The following BACH2 variants were observed in gnomAD, a reference collection of about 807,000 sequenced individuals.
BACH2 encodes BACH transcriptional regulator 2.
A neutral mutation model predicts 61.8 loss-of-function variants in BACH2; 5 were observed. That is an observed-to-expected ratio of 0.08 (90% CI 0.04 to 0.17). The LOEUF (loss-of-function observed/expected upper bound fraction) is 0.17. BACH2 is among the 10% of genes least tolerant of loss of function. The pLI, the probability that BACH2 is intolerant of heterozygous loss-of-function variation, is 1.00. For synonymous variants in BACH2, 446 were observed against 440.1 expected (o/e 1.01, Z -0.17); for missense variants, 824 against 1,091.1 (o/e 0.76, Z 3.45).
chr6:90,094,455 T>C (rs80277095), intron 4 of BACH2, among the ~76,000 whole-genome samples: 5,503 of 152,264 alleles, frequency 0.036, 290 homozygotes, highest in African/African-American at 0.12. Context: ...AATGATCTGA[T>C]TTCCAGTGTT....
intron 4 of BACH2, among the ~76,000 whole-genome samples, chr6:90,106,701 G>A (rs1782934493): frequency 6.6e-6 from 1 of 152,192 alleles, no homozygotes; most frequent in African/African-American, 2.4e-5. Context: ...TCAAAGTCTT[G>A]ACCACCAAGT....
intron 4 of BACH2, among the ~76,000 whole-genome samples, chr6:90,098,802 G>A (rs533340570): frequency 1.4e-4 from 21 of 152,274 alleles, no homozygotes; most frequent in Non-Finnish European, 2.4e-4. Flanking sequence ...GATGAGAAAC[G>A]ACTTGTTTCA....
chr6:89,954,292 G>GT (rs1268440823), intron 6 of BACH2, among the ~76,000 whole-genome samples: 2 of 135,090 alleles, frequency 1.5e-5, no homozygotes, highest in Non-Finnish European at 3.3e-5. Flanking sequence ...TGTTCACACA[G>GT]TTTTTCTTTT....
chr6:90,126,315 G>A (rs1008906260), intron 4 of BACH2, among the ~76,000 whole-genome samples: 1 of 152,154 alleles, frequency 6.6e-6, no homozygotes. Context: ...ATAGGGACTC[G>A]GGAACACATC....
At chr6:90,103,847 GGACT>G (rs956212221) in intron 4 of BACH2, among the ~76,000 whole-genome samples, 88 of 152,228 alleles carry the variant, frequency 5.8e-4, no homozygotes, top group African/African-American at 2.1e-3. Context: ...ACTGGAAAAA[GGACT>G]GACTGGATAT....
At chr6:90,259,545 G>A (rs1241951906) in intron 2 of BACH2, among the ~76,000 whole-genome samples, 2 of 152,144 alleles carry the variant, frequency 1.3e-5, no homozygotes, top group African/African-American at 4.8e-5. Flanking sequence ...TTCTTGTGAT[G>A]TCTTTGGCTG....
At chr6:90,016,807 GT>G (rs959653011) in intron 5 of BACH2, among the ~76,000 whole-genome samples, 71 of 143,940 alleles carry the variant, frequency 4.9e-4, no homozygotes, top group Non-Finnish European at 5.7e-4. Flanking sequence ...GTTGACAGGT[GT>G]TTTTTTTTTT....
intron 6 of BACH2, among the ~76,000 whole-genome samples, chr6:89,953,423 T>C (rs1408379738): frequency 6.6e-6 from 1 of 152,184 alleles, no homozygotes; most frequent in African/African-American, 2.4e-5. Context: ...TCAAGTAAGA[T>C]TCCACATTAA....
chr6:90,155,501 G>A (rs1408222218), intron 4 of BACH2, among the ~76,000 whole-genome samples: 1 of 152,148 alleles, frequency 6.6e-6, no homozygotes, highest in Admixed American at 6.6e-5. Flanking sequence ...ATCAGGTTTC[G>A]CCTTTAGCTG....
chr6:90,127,231 G>A (rs953854000), intron 4 of BACH2, among the ~76,000 whole-genome samples: 14 of 152,136 alleles, frequency 9.2e-5, no homozygotes, highest in Admixed American at 3.3e-4. Context: ...TGTGAAATGC[G>A]TCTGAGATTG....
At chr6:90,168,180 G>C (rs1182788273) in intron 4 of BACH2, among the ~76,000 whole-genome samples, 1 of 152,098 alleles carries the variant, frequency 6.6e-6, no homozygotes, top group African/African-American at 2.4e-5. Flanking sequence ...GCAACATAGT[G>C]AGACCCCATC....
chr6:89,945,131 A>G (rs912018570), intron 7 of BACH2, among the ~76,000 whole-genome samples: 1 of 152,332 alleles, frequency 6.6e-6, no homozygotes, highest in Non-Finnish European at 1.5e-5. Context: ...AAAAGGTTAA[A>G]TACAAAGTTA....
At chr6:90,258,697 C>T (rs1771062452) in intron 2 of BACH2, among the ~76,000 whole-genome samples, 2 of 152,110 alleles carry the variant, frequency 1.3e-5, no homozygotes, top group African/African-American at 4.8e-5. Flanking sequence ...GATCCATGAG[C>T]ATGTGATATC....
chr6:90,013,751 C>G (rs527509451), intron 5 of BACH2, among the ~76,000 whole-genome samples: 3 of 151,968 alleles, frequency 2.0e-5, no homozygotes, highest in South Asian at 2.1e-4. Context: ...TTTGTGATCC[C>G]CCCGCCTTGG....
chr6:90,061,076 G>C (rs1470588797), intron 5 of BACH2, among the ~76,000 whole-genome samples: 24 of 152,174 alleles, frequency 1.6e-4, no homozygotes, highest in Admixed American at 1.5e-3. Context: ...AAAGTTTTTA[G>C]AAAGTAGGAG....
At chr6:90,112,950 C>T (rs1783237770) in intron 4 of BACH2, among the ~76,000 whole-genome samples, 2 of 152,094 alleles carry the variant, frequency 1.3e-5, no homozygotes, top group Admixed American at 1.3e-4. Flanking sequence ...GCAGGGGTTA[C>T]AATCCTAATT....
chr6:90,073,986 G>A (rs1198385303), intron 5 of BACH2, among the ~76,000 whole-genome samples: 1 of 152,192 alleles, frequency 6.6e-6, no homozygotes, highest in Non-Finnish European at 1.5e-5. Flanking sequence ...AGGTGAAGGA[G>A]GGAAGAGGTG....
intron 3 of BACH2, among the ~76,000 whole-genome samples, chr6:90,213,364 G>A (rs2127852629): frequency 1.3e-5 from 2 of 152,324 alleles, no homozygotes; most frequent in South Asian, 4.1e-4. Flanking sequence ...TAGGAGTTGG[G>A]TCTGGTTGGC....
At chr6:90,031,332 T>G (rs1291868026) in intron 5 of BACH2, among the ~76,000 whole-genome samples, 1 of 152,096 alleles carries the variant, frequency 6.6e-6, no homozygotes, top group Non-Finnish European at 1.5e-5. Context: ...CTATTCAACA[T>G]AGTGTTGGAA....
Sources: gnomAD v4.1 joint callset for allele counts (sites outside exome capture counted in the v4.1 genomes callset) on GRCh38, gnomAD v4.1.1 for gene constraint, MANE v1.5 for transcripts, NCBI Gene and HGNC (gene_info 2026-07-23, HGNC 2026-07-21) for gene names.